PCM1: variants seen among roughly 807,000 people sequenced by gnomAD.
PCM1 encodes pericentriolar material 1.
A neutral mutation model predicts 241.9 loss-of-function variants in PCM1; 157 were observed. The ratio of observed to expected loss-of-function variants is 0.65; its 90% CI spans 0.57 to 0.74. The LOEUF (loss-of-function observed/expected upper bound fraction) is 0.74, where lower values mean the gene tolerates loss of function less well. Ranked by LOEUF, PCM1 falls within the 30% of genes least tolerant of loss-of-function variation. The pLI is 0.00. For missense variants in PCM1, 3,478 were observed against 2,360.1 expected, an observed-to-expected ratio of 1.47 and a Z score of -9.81; for synonymous variants, 1,085 against 784.9, an observed-to-expected ratio of 1.38 and a Z score of -6.39.
chr8:17,959,653 T>C (rs957644575), intron 13 of PCM1, among the ~76,000 whole-genome samples: 3 of 152,206 alleles, frequency 2.0e-5, no homozygotes, highest in Non-Finnish European at 4.4e-5. Context: ...TATGTATTCA[T>C]ATTTTTCTAT....
At chr8:17,998,662 A>ACT (rs2087927177) in intron 29 of PCM1, among the ~76,000 whole-genome samples, 1 of 152,142 alleles carries the variant, frequency 6.6e-6, no homozygotes, top group Non-Finnish European at 1.5e-5. Context: ...CTCTGTAACC[A>ACT]CTACCTGACT....
intron 21 of PCM1, among the ~76,000 whole-genome samples, chr8:17,968,768 A>G (rs574766128): frequency 0.078 from 9,181 of 117,494 alleles, 452 homozygotes; most frequent in African/African-American, 0.22. Context: ...GTGTGTATAT[A>G]TATATATATA....
chr8:17,964,716 C>T lies in PCM1; in HGVS notation c.2803C>T (p.Pro935Ser). The change falls in exon 18 of 39, where the codon CCT (proline) becomes TCT (serine). Residue 935 changes from proline (P) to serine (S), a missense_variant. Pro to Ser is a moderately conservative substitution (Grantham distance 74). Coordinates refer to ENST00000325083, the MANE Select transcript of PCM1 (RefSeq NM_006197.4). ...TTCCAATGATAACTTTTCTGTGTGT[C>T]CTTCTAACAGTGTGAATCATAACTC... The part of the protein sequence containing the change: ...ASSNDNFSVC[P>S]SNSVNHNSYN... The T allele has an allele frequency of 6.2e-7, 1 of 1,613,760 alleles. No individual in the cohort carries two copies. Among genetic ancestry groups the T allele is most frequent in the Non-Finnish European group, 8.5e-7 (1 of 1,179,710 alleles).
chr8:17,960,161 G>T lies in PCM1; in HGVS notation c.2188G>T (p.Ala730Ser), dbSNP rs2070989614. Residue 730 changes from alanine to serine, a missense_variant, in exon 14 of 39, where the codon GCA (alanine) becomes TCA (serine). Ala to Ser is a moderately conservative substitution (Grantham distance 99, BLOSUM62 1). Transcript: ENST00000325083. ...GAAAGATACTGGAGTAAATGAAAAGGCAAGGTATGTTAAGCTTTTGGCCTT... is the reference window on the plus strand; with the variant it reads ...GAAAGATACTGGAGTAAATGAAAAGTCAAGGTATGTTAAGCTTTTGGCCTT... Reference protein sequence around the residue: ...TQKDTGVNEKAREKFYEAKLQ... With the variant: ...TQKDTGVNEKSREKFYEAKLQ... 4.5e-6 allele frequency: 7 copies of T among 1,567,328 alleles called. No individual in the cohort carries two copies. Among genetic ancestry groups the T allele is most frequent in the Non-Finnish European group, 6.0e-6 (7 of 1,157,654 alleles).
At chr8:18,025,192 T>C (rs1211159079) in intron 36 of PCM1, 169 bp from the exon 37 acceptor site, 1 of 214,918 alleles carries the variant, frequency 4.7e-6, no homozygotes, top group African/African-American at 5.9e-5. Flanking sequence ...GTTTCACAGC[T>C]GTGATTGTAG....
Position 18,029,783 on chromosome 8 carries a change from G to C in PCM1, c.*2121G>C, listed in dbSNP as rs187298287. 1.6e-4 allele frequency: 31 copies of C among 196,010 alleles called. No homozygotes were observed. The highest frequency in any genetic ancestry group is 3.0e-4 in the Admixed American group (5 of 16,494). The allele number at this position is 196,010 out of a possible 1,614,324, so 12.1% of individuals were successfully genotyped here. On this transcript the variant is annotated 3_prime_UTR_variant, in exon 39 of 39. Coordinates refer to ENST00000325083, the MANE Select transcript of PCM1 (RefSeq NM_006197.4). ...AAGTTAAAAATTTTGGTTACAGATA[G>C]ATAGAGGGAGAAAAGTTCAAAATGA...
At chr8:17,942,312 C>T (rs1053549645) in intron 6 of PCM1, among the ~76,000 whole-genome samples, 1 of 152,010 alleles carries the variant, frequency 6.6e-6, no homozygotes, top group Non-Finnish European at 1.5e-5. Flanking sequence ...ACTAAAAATA[C>T]AAAAATTAGC....
chr8:17,953,256 T>C (rs977829953), intron 9 of PCM1, 70 bp downstream of exon 9: 2 of 727,330 alleles, frequency 2.7e-6, no homozygotes, highest in African/African-American at 1.8e-5. Context: ...ATAATAAATT[T>C]AGTATTTGGT....
At chr8:17,982,194 TATCA>T (rs1403727287) in intron 24 of PCM1, among the ~76,000 whole-genome samples, 1 of 152,186 alleles carries the variant, frequency 6.6e-6, no homozygotes, top group East Asian at 1.9e-4. Flanking sequence ...TCTGCAAAAA[TATCA>T]ATCCTATTCT....
At chr8:17,978,572 A>G (rs1039688634) in intron 23 of PCM1, among the ~76,000 whole-genome samples, 3 of 152,110 alleles carry the variant, frequency 2.0e-5, no homozygotes, top group African/African-American at 7.2e-5. Flanking sequence ...GAATGACGCT[A>G]CACAGTTGAC....
At position 18,028,538 on chromosome 8, in the gene PCM1, C is replaced by T. The variant is rs148211081; in HGVS notation, c.*876C>T. 2.0e-4 allele frequency: 41 copies of T among 203,062 alleles called. No individual in the cohort carries two copies. The highest frequency in any genetic ancestry group is 9.4e-4 in the African/African-American group (41 of 43,794). 12.6% of individuals were successfully genotyped at this position (203,062 alleles called of 1,614,324 possible). ...TTCTGTATGCCTTCAGATAAACTTGCCTATTGAGATGGTAATTTAAAGCCA... is the reference window on the plus strand; with the variant it reads ...TTCTGTATGCCTTCAGATAAACTTGTCTATTGAGATGGTAATTTAAAGCCA... On this transcript the variant is annotated 3_prime_UTR_variant, in exon 39 of 39. Transcript: ENST00000325083.
At chr8:17,962,574 A>C (rs920956856) in intron 16 of PCM1, among the ~76,000 whole-genome samples, 3 of 152,036 alleles carry the variant, frequency 2.0e-5, no homozygotes, top group Non-Finnish European at 1.5e-5. Context: ...ATTTTTCCTA[A>C]ATAATTTCTG....
At chr8:17,951,890 A>G (rs1010578041) in intron 8 of PCM1, among the ~76,000 whole-genome samples, 2 of 152,162 alleles carry the variant, frequency 1.3e-5, no homozygotes, top group Non-Finnish European at 2.9e-5. Context: ...TGATTTCCTA[A>G]GCCCTAGTGG....
rs373241977 is a variant in PCM1, at chr8:17,953,200, G to C, written c.1288+14G>C. On this transcript the variant is annotated intron_variant, in intron 9 of 38. Transcript: ENST00000325083. ...ACAATTCATCATGTGAGTAAATCTG[G>C]TTCAGCAGTATTGGGTATAAGACAC... 170 of 1,436,060 alleles carry C rather than the reference G, an allele frequency of 1.2e-4. No homozygotes were observed. Among genetic ancestry groups the C allele is most frequent in the Non-Finnish European group, 1.5e-4 (158 of 1,042,094 alleles). 89.0% of individuals were successfully genotyped at this position (1,436,060 alleles called of 1,614,324 possible). A position where few individuals can be genotyped will look rare whatever the true frequency, so the allele number is the denominator to read the frequency against.
intron 2 of PCM1, among the ~76,000 whole-genome samples, chr8:17,935,368 G>A (rs2060121489): frequency 6.6e-6 from 1 of 152,150 alleles, no homozygotes. Context: ...ATATTCAGGG[G>A]TTTTCCTTTC....
intron 23 of PCM1, among the ~76,000 whole-genome samples, chr8:17,974,863 A>G (rs1410310994): frequency 1.4e-5 from 2 of 145,072 alleles, no homozygotes; most frequent in African/African-American, 5.6e-5. Context: ...TAAGGCACAC[A>G]CACACACACA....
intron 8 of PCM1, among the ~76,000 whole-genome samples, chr8:17,951,340 A>G (rs144742143): frequency 2.6e-4 from 39 of 152,290 alleles, no homozygotes; most frequent in African/African-American, 8.9e-4. Flanking sequence ...ACCAAGTGAA[A>G]ATGAGAGAAT....
intron 29 of PCM1, among the ~76,000 whole-genome samples, chr8:18,002,070 T>TC (rs1564304745): frequency 1.4e-5 from 1 of 72,196 alleles, no homozygotes; most frequent in Non-Finnish European, 2.4e-5. Flanking sequence ...TTTTCTTTTT[T>TC]TTTTTTTCTT....
Position 17,991,605 on chromosome 8 carries a change from C to G in PCM1, c.4595C>G (p.Thr1532Ser). Residue 1532 changes from threonine to serine, a missense_variant, in exon 28 of 39, where the codon ACT becomes AGT. Transcript: ENST00000325083. ...ATGAGAGAATATGAGCGTATGAAGACTGAGGCTGAAAGTAACTCAAATATG... is the reference window on the plus strand; with the variant it reads ...ATGAGAGAATATGAGCGTATGAAGAGTGAGGCTGAAAGTAACTCAAATATG... ...ARMREYERMKTEAESNSNMRC... is the reference protein window; with the variant it reads ...ARMREYERMKSEAESNSNMRC... 6.3e-7 allele frequency: 1 copy of G among 1,592,480 alleles called. No homozygotes were observed. The highest frequency in any genetic ancestry group is 1.1e-5 in the South Asian group (1 of 87,376).
Sources: allele counts gnomAD v4.1 joint callset (sites outside exome capture counted in the v4.1 genomes callset), GRCh38; gene constraint gnomAD v4.1.1; transcripts MANE v1.5; gene names NCBI Gene and HGNC (gene_info 2026-07-23, HGNC 2026-07-21).